The following SGSM1 variants were observed in gnomAD, a reference collection of about 807,000 sequenced individuals.
SGSM1 encodes small G protein signaling modulator 1, also known as RUN and TBC1 domain containing 2.
SGSM1 carries 73 observed loss-of-function variants against 133.8 expected under a neutral mutation model. The observed-to-expected ratio is 0.55, with a 90% CI of 0.45 to 0.66. The LOEUF is 0.66. SGSM1 is among the 30% of genes least tolerant of loss of function. The pLI, the probability that SGSM1 is intolerant of heterozygous loss-of-function variation, is 0.00. For synonymous variants in SGSM1, 563 were observed against 573.0 expected, an observed-to-expected ratio of 0.98 and a Z score of 0.25; for missense variants, 1,213 against 1,448.1, an observed-to-expected ratio of 0.84 and a Z score of 2.64.
chr22:24,817,602 C>T (rs1173700168), intron 2 of SGSM1, among the ~76,000 whole-genome samples: 2 of 152,188 alleles, frequency 1.3e-5, no homozygotes, highest in Non-Finnish European at 2.9e-5. Flanking sequence ...CTTCCCACCT[C>T]AGCCTCCCCA....
In SGSM1 at chr22:24,812,943, G is replaced by A. The variant is rs77019889; in HGVS notation, c.63+6459G>A. Among the ~76,000 whole-genome samples, 1,228 of 152,258 alleles carry A rather than the reference G, an allele frequency of 8.1e-3. 19 individuals carry two copies. The highest frequency in any genetic ancestry group is 0.028 in the African/African-American group (1,148 of 41,542). ...TTCAGTGTACAGTATAGTGGCAGGA[G>A]GGCATATAGAGAAAACAAGAAATAT... On this transcript the variant is annotated intron_variant, in intron 2 of 24. Transcript: ENST00000400358.
intron 5 of SGSM1, among the ~76,000 whole-genome samples, chr22:24,851,183 T>C (rs1930446095): frequency 6.6e-6 from 1 of 151,976 alleles, no homozygotes; most frequent in African/African-American, 2.4e-5. Flanking sequence ...ATTAATCTGA[T>C]GTGAAAGTTT....
intron 12 of SGSM1, among the ~76,000 whole-genome samples, chr22:24,870,921 C>A (rs1931736729): frequency 6.6e-6 from 1 of 152,220 alleles, no homozygotes; most frequent in Admixed American, 6.5e-5. Context: ...TTTACTCCCT[C>A]CCCTTTTCTT....
intron 9 of SGSM1, among the ~76,000 whole-genome samples, chr22:24,862,170 G>A (rs1242078035): frequency 1.3e-5 from 2 of 151,900 alleles, no homozygotes; most frequent in South Asian, 2.1e-4. Context: ...GGCTGGTCTC[G>A]AACTCCCAAC....
Position 24,924,122 on chromosome 22 carries a change from G to A in SGSM1, c.3194-64G>A. ...GCCCCCAGAGAAGCCTCCAGGGGCT[G>A]GAATTGTACCCTAAGACTGGACACA... On this transcript the variant is annotated intron_variant, in intron 24 of 24. Transcript: ENST00000400358. 8.0e-6 allele frequency: 12 copies of A among 1,507,406 alleles called. No homozygotes were observed. In the South Asian group the frequency reaches 1.3e-4, roughly 16 times the overall value. 93.4% of individuals were successfully genotyped at this position (1,507,406 alleles called of 1,614,324 possible).
In SGSM1 at chr22:24,895,209, C is replaced by T. The variant is rs757576917; in HGVS notation, c.1954-14C>T. On this transcript the variant is annotated splice_polypyrimidine_tract_variant and intron_variant, in intron 17 of 24. Coordinates refer to ENST00000400358, the MANE Select transcript of SGSM1 (RefSeq NM_001098497.3). The stretch of plus-strand genomic sequence containing the variant: ...AGCCTCACCCTCCCTCCCTCCTGCT[C>T]TTTCTTTTCTCAGTCCTCCCAGAGC... 3 of 1,599,706 alleles carry T rather than the reference C, an allele frequency of 1.9e-6. No individual in the cohort carries two copies. The highest frequency in any genetic ancestry group is 2.6e-6 in the Non-Finnish European group (3 of 1,174,094).
At chr22:24,894,173 G>A (rs1366111407) in intron 17 of SGSM1, among the ~76,000 whole-genome samples, 1 of 152,196 alleles carries the variant, frequency 6.6e-6, no homozygotes, top group Non-Finnish European at 1.5e-5. Flanking sequence ...GGAGGCCAAG[G>A]CGGGTGGATC....
intron 2 of SGSM1, among the ~76,000 whole-genome samples, chr22:24,812,792 C>T (rs1927825793): frequency 6.6e-6 from 1 of 152,094 alleles, no homozygotes; most frequent in Non-Finnish European, 1.5e-5. Context: ...TTCTTTCTCC[C>T]CCACTTCCGT....
chr22:24,855,492 G>T lies in SGSM1; in HGVS notation c.670-57G>T. 5 of 1,613,024 alleles carry T rather than the reference G, an allele frequency of 3.1e-6. No homozygotes were observed. The South Asian group carries it at 4.4e-5, about 14-fold the overall frequency. On this transcript the variant is annotated intron_variant, in intron 7 of 24. Transcript: ENST00000400358. ...TTACATGAGGGCAGGAAGCAGGGTA[G>T]GAGCCCTGAAAATCACCCCAGGCCT...
intron 2 of SGSM1, among the ~76,000 whole-genome samples, chr22:24,834,758 CTTTT>C (rs139641): frequency 2.9e-4 from 43 of 146,122 alleles, no homozygotes; most frequent in South Asian, 1.3e-3. Context: ...TCTAAATTTC[CTTTT>C]TTTTTTTTTT....
rs1930005365 is a variant in SGSM1, at chr22:24,844,883, C to T, written c.64-14C>T. ...CCTTGGACCTCTTCCCCTCCGGTCA[C>T]CTTTGCCTTCCAGGTGAAGCAGATC... On this transcript the variant is annotated splice_polypyrimidine_tract_variant and intron_variant, in intron 2 of 24. Coordinates refer to ENST00000400358, the MANE Select transcript of SGSM1 (RefSeq NM_001098497.3). The T allele has an allele frequency of 1.2e-6, 2 of 1,613,416 alleles. No homozygotes were observed. The highest frequency in any genetic ancestry group is 2.2e-5 in the East Asian group (1 of 44,882).
At position 24,924,386 on chromosome 22, in the gene SGSM1, C is replaced by G. The variant is rs540380118; in HGVS notation, c.*112C>G. ...GGAGCGGGGTCCTGGTGTCTGTTCA[C>G]AAGCGTGGAGTTCAGTGCGCAAAGA... On this transcript the variant is annotated 3_prime_UTR_variant, in exon 25 of 25. Coordinates refer to ENST00000400358, the MANE Select transcript of SGSM1 (RefSeq NM_001098497.3). The G allele has an allele frequency of 1.1e-6, 1 of 885,482 alleles. No individual in the cohort carries two copies. Among genetic ancestry groups the G allele is most frequent in the African/African-American group, 1.7e-5 (1 of 60,554 alleles). The allele number at this position is 885,482 out of a possible 1,614,324, so 54.9% of individuals were successfully genotyped here. A position where few individuals can be genotyped will look rare whatever the true frequency, so the allele number is the denominator to read the frequency against.
At chr22:24,919,545 C>T (rs1212014853) in intron 23 of SGSM1, among the ~76,000 whole-genome samples, 1 of 152,118 alleles carries the variant, frequency 6.6e-6, no homozygotes, top group Non-Finnish European at 1.5e-5. Context: ...CCTGCACGTG[C>T]CTGGTTCTGC....
Position 24,813,460 on chromosome 22 carries a change from A to G in SGSM1, c.63+6976A>G, listed in dbSNP as rs140891458. Among the ~76,000 whole-genome samples, 658 of 152,194 alleles carry G rather than the reference A, an allele frequency of 4.3e-3. 3 individuals carry two copies. The highest frequency in any genetic ancestry group is 0.015 in the African/African-American group (635 of 41,530). ...TCTTGGGCTGGAATCACAGCCCCCC[A>G]CCCACTACTCGCCCCACTGTGCCAA... On this transcript the variant is annotated intron_variant, in intron 2 of 24. Coordinates refer to ENST00000400358, the MANE Select transcript of SGSM1 (RefSeq NM_001098497.3).
intron 11 of SGSM1, 60 bp from the exon 12 acceptor site, chr22:24,868,663 T>C: frequency 6.2e-7 from 1 of 1,609,502 alleles, no homozygotes; most frequent in Non-Finnish European, 8.5e-7. Flanking sequence ...ACCCTCAGAC[T>C]AAGCAAGTTG....
At chr22:24,848,724 A>G (rs1007443730) in intron 4 of SGSM1, among the ~76,000 whole-genome samples, 3 of 152,258 alleles carry the variant, frequency 2.0e-5, no homozygotes, top group Admixed American at 6.5e-5. Flanking sequence ...GGAAAAGCAC[A>G]TGGATTGATT....
At chr22:24,912,063 AGG>A (rs1447839745) in intron 21 of SGSM1, among the ~76,000 whole-genome samples, 4 of 86,812 alleles carry the variant, frequency 4.6e-5, no homozygotes, top group Non-Finnish European at 9.6e-5. Context: ...TTAAAAAAAA[AGG>A]AAAAAAAAAA....
intron 4 of SGSM1, among the ~76,000 whole-genome samples, chr22:24,849,511 C>T (rs1157572837): frequency 6.6e-6 from 1 of 152,182 alleles, no homozygotes; most frequent in Non-Finnish European, 1.5e-5. Context: ...CGAATTGTGC[C>T]ATTGCACTCC....
rs185656363 is a variant in SGSM1 at position 24,889,581 on chromosome 22, C to G, written c.1770+2853C>G. On this transcript the variant is annotated intron_variant, in intron 16 of 24. Transcript: ENST00000400358. ...TGCGCCACCACACCTGCCTAATTTT[C>G]GTATTTTTAGTAGAGACGAGGTTTC... 1.4e-3 allele frequency among the ~76,000 whole-genome samples: 217 copies of G among 151,088 alleles called. 2 individuals are homozygous for G. Among genetic ancestry groups the G allele is most frequent in the African/African-American group, 5.2e-3 (214 of 41,168 alleles).
Sources: allele counts gnomAD v4.1 joint callset (sites outside exome capture counted in the v4.1 genomes callset), GRCh38; gene constraint gnomAD v4.1.1; transcripts MANE v1.5; gene names NCBI Gene and HGNC (gene_info 2026-07-23, HGNC 2026-07-21).